SLC37A1: variants seen among roughly 807,000 people sequenced by gnomAD.
SLC37A1 encodes the protein glucose-6-phosphate exchanger SLC37A1.
SLC37A1 carries 49 observed loss-of-function variants against 75.3 expected under a neutral mutation model. The observed-to-expected ratio is 0.65, with a 90% confidence interval of 0.52 to 0.83. The LOEUF is 0.83. SLC37A1 is among the 40% of genes least tolerant of loss of function. The pLI, the probability that SLC37A1 is intolerant of heterozygous loss-of-function variation, is 0.00. For synonymous variants in SLC37A1, 268 were observed against 292.1 expected (o/e 0.92, Z 0.84); for missense variants, 566 against 695.0 (o/e 0.81, Z 2.09).
In SLC37A1 at chr21:42,580,578, T is replaced by C. The variant is rs1601795466; in HGVS notation, c.*218T>C. The C allele has an allele frequency of 2.0e-6, 1 of 502,088 alleles. No homozygotes were observed. The highest frequency in any genetic ancestry group is 2.2e-5 in the South Asian group (1 of 45,738). 31.1% of individuals were successfully genotyped at this position (502,088 alleles called of 1,614,324 possible). On this transcript the variant is annotated 3_prime_UTR_variant, in exon 20 of 20. Transcript: ENST00000352133. Reference sequence around the variant, plus strand: ...AGTGAGAAAAGTCTGCAGGAACTGCTGCCTGAGCCAAGCCAGAGAACCGAA... The same window carrying C: ...AGTGAGAAAAGTCTGCAGGAACTGCCGCCTGAGCCAAGCCAGAGAACCGAA...
rs762288708 is a variant in SLC37A1 at position 42,570,226 on chromosome 21, TTGCCA to T, written c.1423+1791_1423+1795del. Among the ~76,000 whole-genome samples the T allele has an allele frequency of 3.6e-3, 327 of 90,344 alleles. 59 individuals are homozygous for T. The highest frequency in any genetic ancestry group is 6.3e-3 in the Non-Finnish European group (238 of 37,846). The allele number at this position is 90,344 out of a possible 152,430, so 59.3% of individuals were successfully genotyped here. ...TGAGAAGCGGCAGGCAGGGTGGCCG[TTGCCA>T]TGTCATGTGACACACGGCCTGGTTC... On this transcript the variant is annotated intron_variant, in intron 17 of 19. Transcript: ENST00000352133.
At chr21:42,564,937 G>A (rs1818514693) in intron 14 of SLC37A1, 144 bp downstream of exon 14, 6 of 727,076 alleles carry the variant, frequency 8.3e-6, no homozygotes, top group East Asian at 2.8e-5. Flanking sequence ...CCTGTCCCCC[G>A]ACCCCTCCCT....
At chr21:42,533,632 C>G (rs1196395368) in intron 3 of SLC37A1, among the ~76,000 whole-genome samples, 1 of 151,814 alleles carries the variant, frequency 6.6e-6, no homozygotes, top group Non-Finnish European at 1.5e-5. Context: ...AGCACCCACT[C>G]AGGCCCCTCT....
intron 16 of SLC37A1, among the ~76,000 whole-genome samples, chr21:42,567,301 C>T (rs1321898975): frequency 6.6e-6 from 1 of 152,232 alleles, no homozygotes; most frequent in Non-Finnish European, 1.5e-5. Flanking sequence ...TGGGCGCCAT[C>T]CTCATGACTC....
intron 17 of SLC37A1, among the ~76,000 whole-genome samples, chr21:42,570,240 G>T (rs1347426158): frequency 7.2e-6 from 1 of 138,970 alleles, no homozygotes; most frequent in Non-Finnish European, 1.6e-5. Flanking sequence ...CATGTCATGT[G>T]ACACACGGCC....
At chr21:42,536,675 C>T (rs1183029309) in intron 5 of SLC37A1, among the ~76,000 whole-genome samples, 1 of 152,196 alleles carries the variant, frequency 6.6e-6, no homozygotes, top group Admixed American at 6.5e-5. Context: ...AGCAGAGGCC[C>T]CTGTGAGATG....
At chr21:42,523,050 G>C (rs1004112376) in intron 2 of SLC37A1, among the ~76,000 whole-genome samples, 1 of 152,242 alleles carries the variant, frequency 6.6e-6, no homozygotes, top group Non-Finnish European at 1.5e-5. Flanking sequence ...GACAAAGGGA[G>C]ACAGCCTTCC....
rs1356305571 is a variant in SLC37A1 at position 42,518,323 on chromosome 21, A to T, written c.-132A>T. ...GGAAGGGGACAAGACCCAGCAGGAC[A>T]CCTTCTTTCCACGCTTTCCAGCCTG... On this transcript the variant is annotated 5_prime_UTR_variant, in exon 2 of 20. Coordinates refer to ENST00000352133, the MANE Select transcript of SLC37A1 (RefSeq NM_001320537.2). 1.4e-5 allele frequency: 16 copies of T among 1,127,340 alleles called. No homozygotes were observed. The highest frequency in any genetic ancestry group is 1.5e-5 in the African/African-American group (1 of 65,542). 69.8% of individuals were successfully genotyped at this position (1,127,340 alleles called of 1,614,324 possible).
chr21:42,521,151 G>A (rs2054638717), intron 2 of SLC37A1, among the ~76,000 whole-genome samples: 1 of 152,188 alleles, frequency 6.6e-6, no homozygotes, highest in Non-Finnish European at 1.5e-5. Context: ...TTATCTCAAA[G>A]CAGGTTCCCA....
chr21:42,572,485 C>CT (rs2056199978), intron 17 of SLC37A1, among the ~76,000 whole-genome samples: 1 of 152,024 alleles, frequency 6.6e-6, no homozygotes, highest in Admixed American at 6.6e-5. Flanking sequence ...TCCTGCCTGT[C>CT]TCCCTGTTCT....
At chr21:42,526,009 C>G in intron 3 of SLC37A1, 152 bp downstream of exon 3, 2 of 558,290 alleles carry the variant, frequency 3.6e-6, no homozygotes, top group South Asian at 5.5e-5. Flanking sequence ...TTCGGTTTCC[C>G]TTTGCTAAAA....
At chr21:42,513,483 G>A (rs2054460979), upstream of SLC37A1, among the ~76,000 whole-genome samples, 1 of 152,106 alleles carries the variant, frequency 6.6e-6, no homozygotes, top group Non-Finnish European at 1.5e-5. Context: ...GTGGGGGCGC[G>A]GCGGCATGTG....
chr21:42,501,950 A>T (rs941998291), intron 1 of SLC37A1, among the ~76,000 whole-genome samples: 1 of 152,194 alleles, frequency 6.6e-6, no homozygotes, highest in African/African-American at 2.4e-5. Flanking sequence ...AGGGACAGGG[A>T]AAAAGGTGGC....
At chr21:42,554,981 T>TG (rs200260728) in intron 10 of SLC37A1, among the ~76,000 whole-genome samples, 2,590 of 125,222 alleles carry the variant, frequency 0.021, 42 homozygotes, top group African/African-American at 0.076. Context: ...GTTGGTTGGT[T>TG]GTTTTTTTTT....
chr21:42,520,433 G>T (rs926769682), intron 2 of SLC37A1, among the ~76,000 whole-genome samples: 13 of 151,916 alleles, frequency 8.6e-5, no homozygotes, highest in African/African-American at 3.1e-4. Context: ...TTTTAACTTT[G>T]TTATTTCCTC....
In SLC37A1 at chr21:42,580,730, A is replaced by G; in HGVS notation, c.*370A>G. Reference sequence around the variant, plus strand: ...CGACCCTCTCAGGCATTCCAGCCACAGAACATCAAAGTGAGCGAGTACTGC... The same window carrying G: ...CGACCCTCTCAGGCATTCCAGCCACGGAACATCAAAGTGAGCGAGTACTGC... On this transcript the variant is annotated 3_prime_UTR_variant, in exon 20 of 20. Transcript: ENST00000352133. 1 of 344,552 alleles carries G rather than the reference A, an allele frequency of 2.9e-6. No homozygotes were observed. Among genetic ancestry groups the G allele is most frequent in the Non-Finnish European group, 5.4e-6 (1 of 185,448 alleles). The allele number at this position is 344,552 out of a possible 1,614,324, so 21.3% of individuals were successfully genotyped here.
At chr21:42,562,463 G>A (rs1392156664) in intron 12 of SLC37A1, among the ~76,000 whole-genome samples, 2 of 152,168 alleles carry the variant, frequency 1.3e-5, no homozygotes, top group Non-Finnish European at 1.5e-5. Context: ...TTAAACGTGG[G>A]CTACACTGAA....
intron 2 of SLC37A1, among the ~76,000 whole-genome samples, chr21:42,519,830 G>T (rs1283808620): frequency 6.6e-6 from 1 of 152,318 alleles, no homozygotes; most frequent in South Asian, 2.1e-4. Context: ...TCTTCATTTT[G>T]TAAGTTTATT....
At chr21:42,569,305 G>A (rs919759681) in intron 17 of SLC37A1, among the ~76,000 whole-genome samples, 1 of 152,206 alleles carries the variant, frequency 6.6e-6, no homozygotes, top group Non-Finnish European at 1.5e-5. Flanking sequence ...TGGCCTTGGT[G>A]CCAGCAGGCT....
Sources: gnomAD v4.1 joint callset for allele counts (sites outside exome capture counted in the v4.1 genomes callset) on GRCh38, gnomAD v4.1.1 for gene constraint, MANE v1.5 for transcripts, NCBI Gene and HGNC (gene_info 2026-07-23, HGNC 2026-07-21) for gene names.